Variants in MRRF observed in about 807,000 individuals in gnomAD.
MRRF encodes the protein mitochondrial ribosome recycling factor, also known as ribosome-recycling factor, mitochondrial.
MRRF carries 18 observed loss-of-function variants against 25.1 expected under a neutral mutation model. The ratio of observed to expected loss-of-function variants is 0.72; its 90% confidence interval spans 0.50 to 1.06. The LOEUF is 1.06. MRRF is among the 50% of genes least tolerant of loss of function. The pLI is 0.00. For synonymous variants in MRRF, 113 were observed against 112.1 expected (o/e 1.01, Z -0.05); for missense variants, 323 against 319.3 (o/e 1.01, Z -0.09).
rs1835979006 is a variant in MRRF at position 122,323,013 on chromosome 9, C to CT, written c.*399dup. 1 of 266,758 alleles carries CT rather than the reference C, an allele frequency of 3.7e-6. No individual in the cohort carries two copies. The highest frequency in any genetic ancestry group is 2.2e-5 in the African/African-American group (1 of 46,300). The allele number at this position is 266,758 out of a possible 1,614,324, so 16.5% of individuals were successfully genotyped here. On this transcript the variant is annotated 3_prime_UTR_variant, in exon 7 of 7. Coordinates refer to ENST00000344641, the MANE Select transcript of MRRF (RefSeq NM_138777.5). Reference sequence around the variant, plus strand: ...ATTGGCCTTCACCTGTGACTGGACACTTTACTAGAGGCCCATTTTCACTAA... The same window carrying CT: ...ATTGGCCTTCACCTGTGACTGGACACTTTTACTAGAGGCCCATTTTCACTAA...
chr9:122,303,876 T>G (rs1003533614), intron 5 of MRRF, among the ~76,000 whole-genome samples: 1 of 152,232 alleles, frequency 6.6e-6, no homozygotes. Context: ...ACGTGAAACC[T>G]ACTTCCTTTC....
chr9:122,316,146 A>G (rs1297497287), intron 6 of MRRF, among the ~76,000 whole-genome samples: 3 of 152,206 alleles, frequency 2.0e-5, no homozygotes, highest in Non-Finnish European at 4.4e-5. Flanking sequence ...ATGATACGAT[A>G]TATCACAGAT....
intron 5 of MRRF, among the ~76,000 whole-genome samples, chr9:122,302,045 A>G (rs574135847): frequency 6.6e-6 from 1 of 152,098 alleles, no homozygotes; most frequent in Admixed American, 6.6e-5. Context: ...CCTGGCCTGC[A>G]TGGTGATTAT....
chr9:122,325,788 CTG>C lies in MRRF; in HGVS notation c.*3174_*3175del, dbSNP rs1393239222. ...ATATATCTTTCCAGACCTCCTTTCTCTGTGCATATATGTGTGTGTGTGTGTGT... is the reference window on the plus strand; with the variant it reads ...ATATATCTTTCCAGACCTCCTTTCTCTGCATATATGTGTGTGTGTGTGTGT... On this transcript the variant is annotated 3_prime_UTR_variant, in exon 7 of 7. Coordinates refer to ENST00000344641, the MANE Select transcript of MRRF (RefSeq NM_138777.5). The C allele has an allele frequency of 6.9e-6, 1 of 145,640 alleles. No homozygotes were observed. Among genetic ancestry groups the C allele is most frequent in the Non-Finnish European group, 1.5e-5 (1 of 66,314 alleles). 9.0% of individuals were successfully genotyped at this position (145,640 alleles called of 1,614,324 possible).
intron 5 of MRRF, among the ~76,000 whole-genome samples, chr9:122,295,448 C>CTT (rs796253653): frequency 6.5e-5 from 9 of 138,202 alleles, no homozygotes; most frequent in Non-Finnish European, 1.3e-4. Flanking sequence ...GATCAGTTTC[C>CTT]TTTTTTTTTT....
At chr9:122,275,508 G>A (rs1209225288) in intron 2 of MRRF, among the ~76,000 whole-genome samples, 16 of 152,054 alleles carry the variant, frequency 1.1e-4, no homozygotes, top group African/African-American at 3.4e-4. Context: ...GGTGGCATGC[G>A]CCTGTAGTCC....
chr9:122,283,966 T>TTTG (rs199591983), intron 3 of MRRF, among the ~76,000 whole-genome samples: 10,252 of 150,582 alleles, frequency 0.068, 457 homozygotes, highest in African/African-American at 0.13. Context: ...TGTTAATAGT[T>TTTG]TTGTTGTTGT....
At position 122,280,539 on chromosome 9, in the gene MRRF, C is replaced by A. The variant is rs777334309; in HGVS notation, c.281C>A (p.Ser94Tyr). ...NLEEVNEEMK[S>Y]VIEALKDNFN... ...GAAGAGGTGAATGAAGAAATGAAGT[C>A]TGTGATAGAAGCTCTCAAGGATAAT... is the stretch of plus-strand genomic sequence containing the variant. Residue 94 changes from serine to tyrosine, a missense_variant, in exon 3 of 7, where the codon TCT (serine) becomes TAT (tyrosine). Ser to Tyr is a moderately radical substitution (Grantham distance 144). Coordinates refer to ENST00000344641, the MANE Select transcript of MRRF (RefSeq NM_138777.5). 2 of 1,613,850 alleles carry A rather than the reference C, an allele frequency of 1.2e-6. No individual in the cohort carries two copies. Among genetic ancestry groups the A allele is most frequent in the Admixed American group, 3.3e-5 (2 of 60,028 alleles).
chr9:122,322,834 C>T lies in MRRF; in HGVS notation c.*217C>T, dbSNP rs1835970132. 3 of 620,366 alleles carry T rather than the reference C, an allele frequency of 4.8e-6. No homozygotes were observed. The highest frequency in any genetic ancestry group is 8.7e-6 in the Non-Finnish European group (3 of 344,986). 38.4% of individuals were successfully genotyped at this position (620,366 alleles called of 1,614,324 possible). ...GCCGGTGGGTGGCTCTCAGAAAATA[C>T]TTGCTGCTGGCAAAAGGCCTGTACT... is the stretch of plus-strand genomic sequence containing the variant. On this transcript the variant is annotated 3_prime_UTR_variant, in exon 7 of 7. Coordinates refer to ENST00000344641, the MANE Select transcript of MRRF (RefSeq NM_138777.5).
At chr9:122,274,533 GGT>G (rs765131163) in intron 2 of MRRF, among the ~76,000 whole-genome samples, 5,711 of 140,576 alleles carry the variant, frequency 0.041, 140 homozygotes, top group Non-Finnish European at 0.043. Flanking sequence ...ATATGAATCT[GGT>G]GTGTGTGTGT....
intron 5 of MRRF, among the ~76,000 whole-genome samples, chr9:122,303,763 G>T (rs1252518288): frequency 6.6e-6 from 1 of 152,156 alleles, no homozygotes; most frequent in African/African-American, 2.4e-5. Context: ...CTTGCTCATG[G>T]TCATAGATTA....
At chr9:122,310,168 G>T (rs1835113954) in intron 5 of MRRF, among the ~76,000 whole-genome samples, 1 of 152,166 alleles carries the variant, frequency 6.6e-6, no homozygotes, top group South Asian at 2.1e-4. Flanking sequence ...GAAGAGCAAG[G>T]CTCAGACGGT....
At chr9:122,306,163 A>ATAT (rs1834831723) in intron 5 of MRRF, among the ~76,000 whole-genome samples, 1 of 152,112 alleles carries the variant, frequency 6.6e-6, no homozygotes, top group South Asian at 2.1e-4. Context: ...TTTATTAATA[A>ATAT]TATTATTGAT....
In MRRF at chr9:122,329,772, A is replaced by ACTTG; in HGVS notation, c.*7156_*7159dup. On this transcript the variant is annotated 3_prime_UTR_variant, in exon 7 of 7. Coordinates refer to ENST00000344641, the MANE Select transcript of MRRF (RefSeq NM_138777.5). ...GCTGGCCTCACCCGGGTCTCTAGAC[A>ACTTG]CTTGGCTCAGAGGCAGAACATGGCT... is the stretch of plus-strand genomic sequence containing the variant. 6.6e-6 allele frequency: 1 copy of ACTTG among 152,324 alleles called. No individual in the cohort carries two copies. Among genetic ancestry groups the ACTTG allele is most frequent in the Non-Finnish European group, 1.5e-5 (1 of 68,130 alleles). The allele number at this position is 152,324 out of a possible 1,614,324, so 9.4% of individuals were successfully genotyped here.
chr9:122,266,434 A>G (rs1832090667), intron 1 of MRRF, among the ~76,000 whole-genome samples: 1 of 152,234 alleles, frequency 6.6e-6, no homozygotes, highest in Non-Finnish European at 1.5e-5. Context: ...AGGGAAGATC[A>G]TCAAGGAGAT....
intron 5 of MRRF, among the ~76,000 whole-genome samples, chr9:122,298,705 A>T (rs1244991752): frequency 6.6e-6 from 1 of 152,216 alleles, no homozygotes; most frequent in Non-Finnish European, 1.5e-5. Context: ...TTAGACACTG[A>T]TGATAAAGTA....
intron 5 of MRRF, among the ~76,000 whole-genome samples, chr9:122,293,800 G>C (rs1833919299): frequency 6.6e-6 from 1 of 152,128 alleles, no homozygotes; most frequent in Non-Finnish European, 1.5e-5. Flanking sequence ...TGTGTGCCAG[G>C]CCTCTTGTTT....
chr9:122,287,772 T>G, intron 4 of MRRF, among the ~76,000 whole-genome samples: 1 of 152,198 alleles, frequency 6.6e-6, no homozygotes, highest in East Asian at 1.9e-4. Flanking sequence ...CTTACAAGTA[T>G]ATCAGTAGAG....
rs943334265 is a variant in MRRF, at chr9:122,324,976, A to C, written c.*2359A>C. 1.3e-5 allele frequency: 2 copies of C among 152,256 alleles called. No homozygotes were observed. The highest frequency in any genetic ancestry group is 4.8e-5 in the African/African-American group (2 of 41,476). The allele number at this position is 152,256 out of a possible 1,614,324, so 9.4% of individuals were successfully genotyped here. On this transcript the variant is annotated 3_prime_UTR_variant, in exon 7 of 7. Transcript: ENST00000344641. ...TAAGGAGCCTCTTTTGGGGTAAGCCACATGACAGGGGCTTTGCAACAGTCT... is the reference window on the plus strand; with the variant it reads ...TAAGGAGCCTCTTTTGGGGTAAGCCCCATGACAGGGGCTTTGCAACAGTCT...
Sources: allele counts gnomAD v4.1 joint callset (sites outside exome capture counted in the v4.1 genomes callset), GRCh38; gene constraint gnomAD v4.1.1; transcripts MANE v1.5; gene names NCBI Gene and HGNC (gene_info 2026-07-23, HGNC 2026-07-21).